Variants in TMEM260 observed in about 807,000 individuals in gnomAD.
TMEM260 encodes the protein protein O-mannosyl-transferase TMEM260.
TMEM260 carries 82 observed loss-of-function variants against 88.9 expected under a neutral mutation model. The observed-to-expected ratio is 0.92, with a 90% CI of 0.77 to 1.11. TMEM260 has a LOEUF of 1.11. Among genes scored for constraint, TMEM260 ranks in the 50% least tolerant of loss-of-function variants. The pLI, the probability that TMEM260 is intolerant of heterozygous loss-of-function variation, is 0.00. For synonymous variants in TMEM260, 314 were observed against 309.3 expected (o/e 1.02, Z -0.16); for missense variants, 902 against 853.4 (o/e 1.06, Z -0.71).
intron 3 of TMEM260, among the ~76,000 whole-genome samples, chr14:56,596,794 A>ATATAT (rs370824046): frequency 1.5e-5 from 2 of 136,298 alleles, no homozygotes; most frequent in African/African-American, 5.6e-5. Flanking sequence ...TAAAAAAAAA[A>ATATAT]ATATATATAT....
At chr14:56,626,288 C>T (rs1594867959) in intron 12 of TMEM260, among the ~76,000 whole-genome samples, 2 of 152,046 alleles carry the variant, frequency 1.3e-5, no homozygotes, top group South Asian at 2.1e-4. Flanking sequence ...GTGGAGTAAA[C>T]GACAGTAATG....
At chr14:56,579,695 G>A (rs1884965725), upstream of TMEM260, 2 of 397,802 alleles carry the variant, frequency 5.0e-6, no homozygotes, top group East Asian at 7.2e-5. Flanking sequence ...CCAATGCGTG[G>A]TGCACTGCGG....
chr14:56,595,438 A>G (rs1223561588), intron 3 of TMEM260, among the ~76,000 whole-genome samples: 1 of 152,190 alleles, frequency 6.6e-6, no homozygotes, highest in Non-Finnish European at 1.5e-5. Flanking sequence ...TTACAAATCA[A>G]TGTGTGAAAG....
intron 12 of TMEM260, among the ~76,000 whole-genome samples, chr14:56,628,808 TCCA>T (rs1472285917): frequency 2.0e-5 from 3 of 152,164 alleles, no homozygotes; most frequent in East Asian, 1.9e-4. Flanking sequence ...TTGCTATGTC[TCCA>T]CCATTTGCAT....
At chr14:56,653,741 C>A (rs2345111), downstream of TMEM260, among the ~76,000 whole-genome samples, 49,383 of 96,286 alleles carry the variant, frequency 0.51, 10,828 homozygotes, top group Admixed American at 0.6. Flanking sequence ...GTCTCCAAAA[C>A]AAAAAAAAAA....
chr14:56,604,960 T>G (rs963800468), intron 4 of TMEM260, among the ~76,000 whole-genome samples: 2 of 152,198 alleles, frequency 1.3e-5, no homozygotes, highest in Non-Finnish European at 2.9e-5. Context: ...GATGAAGAAC[T>G]TGATCAGATA....
At position 56,621,631 on chromosome 14, in the gene TMEM260, C is replaced by T. The variant is rs532050444; in HGVS notation, c.1327C>T (p.Pro443Ser). ...DAIILLRGDL[P>S]GNSLRYMHYC... ...AATTATCTTACTCAGAGGAGATTTGCCAGGAAATTCTCTCCGTTACATGCA... is the reference window on the plus strand; with the variant it reads ...AATTATCTTACTCAGAGGAGATTTGTCAGGAAATTCTCTCCGTTACATGCA... Residue 443 changes from proline to serine, a missense_variant, in exon 11 of 16, where the codon CCA becomes TCA. By Grantham distance (74) the Pro-to-Ser change is moderately conservative (BLOSUM62 -1). Transcript: ENST00000261556. 2.5e-4 allele frequency: 400 copies of T among 1,613,200 alleles called. 7 individuals carry two copies. The South Asian group carries it at 4.2e-3, about 17-fold the overall frequency.
Position 56,591,446 on chromosome 14 carries a change from T to A in TMEM260, c.344+5534T>A, listed in dbSNP as rs185638943. The stretch of plus-strand genomic sequence containing the variant: ...ACTTTAGTTATTTGGATGTTCTGCC[T>A]TGACTTCCTATACTTTTAGTATCTT... On this transcript the variant is annotated intron_variant, in intron 3 of 15. Coordinates refer to ENST00000261556, the MANE Select transcript of TMEM260 (RefSeq NM_017799.4). Among the ~76,000 whole-genome samples the A allele has an allele frequency of 8.5e-5, 13 of 152,358 alleles. No individual in the cohort carries two copies. In the East Asian group the frequency reaches 2.1e-3, roughly 25 times the overall value.
chr14:56,581,598 A>G (rs1026817685), intron 1 of TMEM260, among the ~76,000 whole-genome samples: 2 of 152,232 alleles, frequency 1.3e-5, no homozygotes, highest in African/African-American at 4.8e-5. Flanking sequence ...AGTGAGATTT[A>G]TAATAACTGA....
In TMEM260 at chr14:56,635,238, T is replaced by G. The variant is rs537382513; in HGVS notation, c.1778+286T>G. On this transcript the variant is annotated intron_variant, in intron 14 of 15. Coordinates refer to ENST00000261556, the MANE Select transcript of TMEM260 (RefSeq NM_017799.4). ...CTGCTGCTAGTGATGGAGTCCAAAG[T>G]TCACATCTGTCTGCCTCTGGAACAC... Among the ~76,000 whole-genome samples, 24 of 152,322 alleles carry G rather than the reference T, an allele frequency of 1.6e-4. No homozygotes were observed. In the South Asian group the frequency reaches 5.0e-3, roughly 32 times the overall value.
chr14:56,613,188 A>G (rs1023409509), intron 7 of TMEM260: 20 of 152,298 alleles, frequency 1.3e-4, no homozygotes, highest in African/African-American at 4.3e-4. Context: ...ATAGGTTTCT[A>G]CAACACTAAA....
rs1448160958 is a variant in TMEM260 at position 56,579,866 on chromosome 14, C to T, written c.-49C>T. On this transcript the variant is annotated 5_prime_UTR_variant, in exon 1 of 16. Coordinates refer to ENST00000261556, the MANE Select transcript of TMEM260 (RefSeq NM_017799.4). ...CTCGGCTGGGGAGCTCCGTGTCGCACCGGGTTCTTGGGCTGGCCGTGTCCT... is the reference window on the plus strand; with the variant it reads ...CTCGGCTGGGGAGCTCCGTGTCGCATCGGGTTCTTGGGCTGGCCGTGTCCT... The T allele has an allele frequency of 6.5e-6, 8 of 1,230,474 alleles. No homozygotes were observed. Among genetic ancestry groups the T allele is most frequent in the Non-Finnish European group, 1.0e-6 (1 of 986,828 alleles). 76.2% of individuals were successfully genotyped at this position (1,230,474 alleles called of 1,614,324 possible).
rs746305073 is a variant in TMEM260 at position 56,632,962 on chromosome 14, T to C, written c.1548-33T>C. 6 of 1,574,456 alleles carry C rather than the reference T, an allele frequency of 3.8e-6. No homozygotes were observed. In the Admixed American group the frequency reaches 5.3e-5, roughly 14 times the overall value. ...ACTTAACATTTAAAACTTTAAATTT[T>C]AAGTACATCATGTATTTTTCTGTTT... On this transcript the variant is annotated intron_variant, in intron 12 of 15. Transcript: ENST00000261556.
chr14:56,616,854 C>A (rs1012320047), intron 8 of TMEM260, among the ~76,000 whole-genome samples: 1 of 152,130 alleles, frequency 6.6e-6, no homozygotes, highest in East Asian at 1.9e-4. Context: ...TGAGAGTTAT[C>A]GTTCTTAAAT....
intron 1 of TMEM260, among the ~76,000 whole-genome samples, chr14:56,583,742 G>A (rs1028595610): frequency 3.9e-5 from 6 of 152,040 alleles, no homozygotes; most frequent in Non-Finnish European, 8.8e-5. Flanking sequence ...GGATTTAGGG[G>A]GAGAATGCTA....
At chr14:56,646,598 C>G (rs576423967) in intron 15 of TMEM260, among the ~76,000 whole-genome samples, 36 of 152,240 alleles carry the variant, frequency 2.4e-4, no homozygotes, top group African/African-American at 8.4e-4. Flanking sequence ...ATTCTAAATT[C>G]CTATGGGCAA....
At chr14:56,615,696 T>G (rs1887551122) in intron 7 of TMEM260, 1 of 425,828 alleles carries the variant, frequency 2.3e-6, no homozygotes. Flanking sequence ...ACAGAAGAAT[T>G]ATTTGTTCTG....
downstream of TMEM260, among the ~76,000 whole-genome samples, chr14:56,654,814 CAAAAAAAA>C (rs750160414): frequency 1.4e-4 from 7 of 51,806 alleles, no homozygotes; most frequent in South Asian, 3.0e-3. Context: ...AACTCCATCT[CAAAAAAAA>C]AAAAAAAAAA....
chr14:56,624,146 GCTT>G (rs1217112881), intron 11 of TMEM260, among the ~76,000 whole-genome samples: 2 of 152,270 alleles, frequency 1.3e-5, no homozygotes, highest in African/African-American at 4.8e-5. Flanking sequence ...ACATGATTGA[GCTT>G]CTCCAGGGCA....
Sources: allele counts gnomAD v4.1 joint callset (sites outside exome capture counted in the v4.1 genomes callset), GRCh38; gene constraint gnomAD v4.1.1; transcripts MANE v1.5; gene names NCBI Gene and HGNC (gene_info 2026-07-23, HGNC 2026-07-21).